Variants in RAP1GAP2 observed in about 807,000 individuals in gnomAD.
RAP1GAP2 encodes rap1 GTPase-activating protein 2.
In RAP1GAP2, 27 loss-of-function variants were observed where a neutral mutation model predicts 95.0. That is an observed-to-expected ratio of 0.28 (90% CI 0.21 to 0.39). RAP1GAP2 has a LOEUF of 0.39. Ranked by LOEUF, RAP1GAP2 falls within the 10% of genes least tolerant of loss-of-function variation. The pLI, the probability that RAP1GAP2 is intolerant of heterozygous loss-of-function variation, is 1.00. For synonymous variants in RAP1GAP2, 373 were observed against 380.9 expected (o/e 0.98, Z 0.24); for missense variants, 771 against 970.0 (o/e 0.79, Z 2.72).
chr17:2,993,420 A>G (rs886085830), intron 12 of RAP1GAP2, among the ~76,000 whole-genome samples: 2 of 149,778 alleles, frequency 1.3e-5, no homozygotes, highest in Non-Finnish European at 1.5e-5. Flanking sequence ...AAAAATACGA[A>G]AAATTAGCCG....
intron 1 of RAP1GAP2, among the ~76,000 whole-genome samples, chr17:2,759,554 A>C (rs1037935041): frequency 6.6e-6 from 1 of 152,060 alleles, no homozygotes; most frequent in African/African-American, 2.4e-5. Context: ...AGGTTCAAGC[A>C]ATTCTCCTGC....
At chr17:2,770,823 T>C (rs1190847263) in intron 2 of RAP1GAP2, among the ~76,000 whole-genome samples, 1 of 151,946 alleles carries the variant, frequency 6.6e-6, no homozygotes, top group East Asian at 1.9e-4. Context: ...GGTGGATCAC[T>C]TGAGGTCAGG....
intron 3 of RAP1GAP2, among the ~76,000 whole-genome samples, chr17:2,908,964 C>T (rs543078963): frequency 1.3e-5 from 2 of 152,138 alleles, no homozygotes; most frequent in African/African-American, 4.8e-5. Flanking sequence ...CCTTGACCTC[C>T]CAAAGTGCTG....
At chr17:2,845,101 G>A (rs1448489336) in intron 2 of RAP1GAP2, among the ~76,000 whole-genome samples, 5 of 152,182 alleles carry the variant, frequency 3.3e-5, no homozygotes, top group African/African-American at 9.6e-5. Flanking sequence ...GACTACATAA[G>A]TTCTAGCCCA....
upstream of RAP1GAP2, among the ~76,000 whole-genome samples, chr17:2,772,416 AG>A (rs2068414435): frequency 6.6e-6 from 1 of 152,106 alleles, no homozygotes; most frequent in African/African-American, 2.4e-5. Context: ...CCTCCTGAGT[AG>A]CTGGGACTAT....
chr17:2,804,356 C>G (rs1458321578), intron 2 of RAP1GAP2, among the ~76,000 whole-genome samples: 1 of 152,226 alleles, frequency 6.6e-6, no homozygotes, highest in African/African-American at 2.4e-5. Flanking sequence ...ATGAAGCAGG[C>G]ACCAATCCTC....
At chr17:2,912,781 T>C (rs545693793) in intron 3 of RAP1GAP2, among the ~76,000 whole-genome samples, 1 of 152,258 alleles carries the variant, frequency 6.6e-6, no homozygotes, top group East Asian at 1.9e-4. Context: ...TTCTCTTGAC[T>C]CCATCCAGGA....
chr17:2,797,903 C>G lies in RAP1GAP2; in HGVS notation c.44+1332C>G, dbSNP rs757098564. 3.6e-6 allele frequency: 2 copies of G among 557,228 alleles called. No homozygotes were observed. Among genetic ancestry groups the G allele is most frequent in the African/African-American group, 2.1e-5 (1 of 48,700 alleles). 34.5% of individuals were successfully genotyped at this position (557,228 alleles called of 1,614,324 possible). Reference sequence around the variant, plus strand: ...CAATTAGATTGTGCCCTCCAAGGCCCGCCTTTCTCTGGGAGGTGTGGAGCA... The same window carrying G: ...CAATTAGATTGTGCCCTCCAAGGCCGGCCTTTCTCTGGGAGGTGTGGAGCA... On this transcript the variant is annotated intron_variant, in intron 1 of 24. Coordinates refer to ENST00000254695, the MANE Select transcript of RAP1GAP2 (RefSeq NM_015085.5). The surrounding 1 kb of genome is among the most constrained non-coding windows in gnomAD (Gnocchi z 5.6).
intron 2 of RAP1GAP2, among the ~76,000 whole-genome samples, chr17:2,878,329 G>A (rs964640125): frequency 3.9e-5 from 6 of 152,124 alleles, no homozygotes; most frequent in Admixed American, 2.0e-4. Context: ...AGACCCCCCC[G>A]GGGATGTGGC....
chr17:2,839,319 A>T (rs1201981079), intron 2 of RAP1GAP2, among the ~76,000 whole-genome samples: 2 of 151,992 alleles, frequency 1.3e-5, no homozygotes, highest in Non-Finnish European at 2.9e-5. Context: ...TAATAATAAA[A>T]AAAAAAAGAA....
intron 3 of RAP1GAP2, among the ~76,000 whole-genome samples, chr17:2,916,903 C>T (rs1219285167): frequency 2.0e-5 from 3 of 152,196 alleles, no homozygotes; most frequent in Non-Finnish European, 4.4e-5. Flanking sequence ...AGCTGGAGGC[C>T]CCAGAGCGGA....
At chr17:3,007,580 G>A (rs952954742) in intron 16 of RAP1GAP2, among the ~76,000 whole-genome samples, 16 of 152,198 alleles carry the variant, frequency 1.1e-4, no homozygotes, top group African/African-American at 2.4e-4. Flanking sequence ...TGCGAAGGCC[G>A]GGTTGCTGAA....
chr17:2,783,071 GTAGA>G (rs964771857), intron 1 of RAP1GAP2, among the ~76,000 whole-genome samples: 9 of 152,180 alleles, frequency 5.9e-5, no homozygotes, highest in African/African-American at 2.2e-4. Context: ...TTATGAGGAA[GTAGA>G]GGCTCAGAGA....
intron 2 of RAP1GAP2, among the ~76,000 whole-genome samples, chr17:2,895,585 C>CTT (rs60315575): frequency 0.011 from 1,622 of 150,660 alleles, 19 homozygotes; most frequent in Middle Eastern, 0.031. Flanking sequence ...TTCCCCGCTA[C>CTT]TTTTTTTTTG....
At chr17:2,999,576 A>G (rs1401614560) in intron 14 of RAP1GAP2, among the ~76,000 whole-genome samples, 1 of 152,190 alleles carries the variant, frequency 6.6e-6, no homozygotes, top group African/African-American at 2.4e-5. Context: ...CCTGGGGTTC[A>G]TGAGGCCACA....
intron 2 of RAP1GAP2, among the ~76,000 whole-genome samples, chr17:2,821,850 A>C (rs965380683): frequency 3.3e-5 from 5 of 152,176 alleles, no homozygotes; most frequent in Non-Finnish European, 5.9e-5. Context: ...TCTACTGTAC[A>C]GCGCTGGTTG....
Position 2,943,005 on chromosome 17 carries a change from G to A in RAP1GAP2, c.166-14754G>A, listed in dbSNP as rs545260923. 5.3e-5 allele frequency among the ~76,000 whole-genome samples: 8 copies of A among 152,130 alleles called. No individual in the cohort carries two copies. In the East Asian group the frequency reaches 1.2e-3, roughly 22 times the overall value. On this transcript the variant is annotated intron_variant, in intron 3 of 24. Transcript: ENST00000254695. Reference sequence around the variant, plus strand: ...GCTGGTCTTGAACTCCTGACCTCAAGTGATCTGCCCGCCTTGGCCACCCAA... The same window carrying A: ...GCTGGTCTTGAACTCCTGACCTCAAATGATCTGCCCGCCTTGGCCACCCAA...
rs1825317922 is a variant in RAP1GAP2, at chr17:2,904,395, A to T, written c.81-889A>T. On this transcript the variant is annotated intron_variant, in intron 2 of 24. Coordinates refer to ENST00000254695, the MANE Select transcript of RAP1GAP2 (RefSeq NM_015085.5). The surrounding 1 kb of genome is among the most constrained non-coding windows in gnomAD (Gnocchi z 4.7). ...TGTGTGAGCGCGGCAAACTTGTCGCAGTCATGTTGCCATGGTGACACAACT... is the reference window on the plus strand; with the variant it reads ...TGTGTGAGCGCGGCAAACTTGTCGCTGTCATGTTGCCATGGTGACACAACT... 6.6e-6 allele frequency among the ~76,000 whole-genome samples: 1 copy of T among 152,170 alleles called. No homozygotes were observed. Among genetic ancestry groups the T allele is most frequent in the Non-Finnish European group, 1.5e-5 (1 of 68,010 alleles).
chr17:2,793,718 C>A (rs1238646446), upstream of RAP1GAP2, among the ~76,000 whole-genome samples: 1 of 152,224 alleles, frequency 6.6e-6, no homozygotes, highest in Non-Finnish European at 1.5e-5. Flanking sequence ...TTAGGAATAA[C>A]TCTTTATTCG....
Sources: gnomAD v4.1 joint callset for allele counts (sites outside exome capture counted in the v4.1 genomes callset) on GRCh38, gnomAD v4.1.1 for gene constraint, Gnocchi (gnomAD v3.1) non-coding constraint, MANE v1.5 for transcripts, NCBI Gene and HGNC (gene_info 2026-07-23, HGNC 2026-07-21) for gene names.